Variants in GP2 observed in about 807,000 individuals in gnomAD.
GP2 encodes pancreatic secretory granule membrane major glycoprotein GP2.
A neutral mutation model predicts 60.8 loss-of-function variants in GP2; 58 were observed. That is an observed-to-expected ratio of 0.95 (90% confidence interval 0.77 to 1.19). The LOEUF (loss-of-function observed/expected upper bound fraction) is 1.19. GP2 is among the 50% of genes most tolerant of loss of function. The pLI is 0.00. For missense variants in GP2, 647 were observed against 667.4 expected (o/e 0.97, Z 0.34); for synonymous variants, 280 against 253.4 (o/e 1.10, Z -1.00).
Position 20,323,974 on chromosome 16 carries a change from G to C in GP2, c.377C>G (p.Pro126Arg), listed in dbSNP as rs765734388. The part of the protein sequence containing the change: ...DAPMWLNGTH[P>R]ALGDGITNHT... Reference sequence around the variant, plus strand: ...GTTGGTGATGCCATCCCCAAGGGCAGGGTGGGTCCCATTCAGCCACATGGG... The same window carrying C: ...GTTGGTGATGCCATCCCCAAGGGCACGGTGGGTCCCATTCAGCCACATGGG... Residue 126 changes from proline (P) to arginine (R), a missense_variant, in exon 3 of 11, where the codon CCT becomes CGT. By Grantham distance (103) the Pro-to-Arg change is moderately radical. Coordinates refer to ENST00000302555, the MANE Select transcript of GP2 (RefSeq NM_001502.4). The C allele has an allele frequency of 6.2e-7, 1 of 1,614,210 alleles. No homozygotes were observed. The highest frequency in any genetic ancestry group is 8.5e-7 in the Non-Finnish European group (1 of 1,180,018).
In GP2 at chr16:20,317,209, T is replaced by C. The variant is rs1443711982; in HGVS notation, c.1416+4A>G. On this transcript the variant is annotated splice_donor_region_variant and intron_variant, in intron 8 of 10. Transcript: ENST00000302555. ...TGAAGAGTTCAGTTCAAAGAGACAC[T>C]CACAGGCTGGCACTGTTCATTAAGA... The C allele has an allele frequency of 2.0e-6, 3 of 1,525,268 alleles. No individual in the cohort carries two copies. The African/African-American group carries it at 4.2e-5, about 22-fold the overall frequency. 94.5% of individuals were successfully genotyped at this position (1,525,268 alleles called of 1,614,324 possible). A position where few individuals can be genotyped will look rare whatever the true frequency, so the allele number is the denominator to read the frequency against.
At chr16:20,318,532 G>T in intron 6 of GP2, 102 bp from the exon 7 acceptor site, 2 of 1,041,182 alleles carry the variant, frequency 1.9e-6, no homozygotes, top group Non-Finnish European at 2.9e-6. Context: ...ACACATCTTG[G>T]ATCCTTAAGT....
chr16:20,322,730 G>T (rs1019338246), intron 4 of GP2, 139 bp downstream of exon 4: 229 of 576,594 alleles, frequency 4.0e-4, no homozygotes, highest in East Asian at 9.5e-4. Context: ...TACAGCAAAT[G>T]GATTGGAGAG....
chr16:20,319,657 T>C lies in GP2; in HGVS notation c.970A>G (p.Lys324Glu), dbSNP rs377671195. 6 of 1,612,040 alleles carry C rather than the reference T, an allele frequency of 3.7e-6. No homozygotes were observed. The highest frequency in any genetic ancestry group is 5.1e-6 in the Non-Finnish European group (6 of 1,178,066). ...TGCAAGGCAGCTTGGAGGCTGACTT[T>C]CATGTCCAGTGGGTAGGCACATTGG... ...NFQCAYPLDM[K>E]VSLQAALQPI... The change falls in exon 6 of 11, where the codon AAA becomes GAA. Residue 324 changes from lysine (K) to glutamate (E), a missense_variant. Transcript: ENST00000302555.
chr16:20,318,153 G>C (rs1457701676), intron 7 of GP2, 32 bp downstream of exon 7: 1 of 1,594,122 alleles, frequency 6.3e-7, no homozygotes, highest in Non-Finnish European at 8.6e-7. Flanking sequence ...ACGTTAGTAA[G>C]GCCAAATGAT....
At position 20,311,048 on chromosome 16, in the gene GP2, C is replaced by T. The variant is rs138616491; in HGVS notation, c.*175G>A. On this transcript the variant is annotated 3_prime_UTR_variant, in exon 11 of 11. Coordinates refer to ENST00000302555, the MANE Select transcript of GP2 (RefSeq NM_001502.4). ...CTGGGATTACAGGCATGAGCCACTG[C>T]GCCCAGCCGAGAGTTTTAAAGAAGG... The T allele has an allele frequency of 3.7e-5, 19 of 514,490 alleles. No individual in the cohort carries two copies. Among genetic ancestry groups the T allele is most frequent in the Non-Finnish European group, 6.5e-5 (18 of 278,140 alleles). The allele number at this position is 514,490 out of a possible 1,614,324, so 31.9% of individuals were successfully genotyped here.
chr16:20,320,255 C>G lies in GP2; in HGVS notation c.858+7G>C, dbSNP rs1465845730. ...CTTCTGGCAGCAGTGGTGTGAAAGCCACTTACCTCCAGAATGTTCCTGCAG... is the reference window on the plus strand; with the variant it reads ...CTTCTGGCAGCAGTGGTGTGAAAGCGACTTACCTCCAGAATGTTCCTGCAG... On this transcript the variant is annotated splice_region_variant and intron_variant, in intron 5 of 10. Transcript: ENST00000302555. 1 of 1,604,592 alleles carries G rather than the reference C, an allele frequency of 6.2e-7. No homozygotes were observed. The highest frequency in any genetic ancestry group is 8.5e-7 in the Non-Finnish European group (1 of 1,171,340).
At position 20,322,872 on chromosome 16, in the gene GP2, A is replaced by C; in HGVS notation, c.643T>G (p.Ser215Ala). Residue 215 changes from serine to alanine, a missense_variant, in exon 4 of 11, where the codon TCT becomes GCT. Transcript: ENST00000302555. ...ACTTGCCCAGTGAGCAGCTCACCAG[A>C]ACTATTGAGGTCCTGTCTGCAGAAA... ...GCFCRQDLNS[S>A]DVHSLQPQLD... is the part of the protein sequence containing the mutation. The C allele has an allele frequency of 6.4e-7, 1 of 1,559,984 alleles. No individual in the cohort carries two copies. The highest frequency in any genetic ancestry group is 8.8e-7 in the Non-Finnish European group (1 of 1,130,490).
intron 3 of GP2, 22 bp downstream of exon 3, chr16:20,323,794 C>T (rs779888623): frequency 7.1e-6 from 11 of 1,540,210 alleles, no homozygotes; most frequent in South Asian, 3.6e-5. Flanking sequence ...GTAGCTGCCT[C>T]CTCCAGGGCT....
chr16:20,314,706 G>A lies in GP2; in HGVS notation c.1502-5C>T. ...TGACACCGGGAGACTGTGCACCTGTGAACAAGAACAGAAGGGGTGGGTTTC... is the reference window on the plus strand; with the variant it reads ...TGACACCGGGAGACTGTGCACCTGTAAACAAGAACAGAAGGGGTGGGTTTC... On this transcript the variant is annotated splice_region_variant and splice_polypyrimidine_tract_variant and intron_variant, in intron 9 of 10. Transcript: ENST00000302555. 1 of 1,597,598 alleles carries A rather than the reference G, an allele frequency of 6.3e-7. No individual in the cohort carries two copies. The highest frequency in any genetic ancestry group is 1.1e-5 in the South Asian group (1 of 90,750).
intron 7 of GP2, 145 bp from the exon 8 acceptor site, chr16:20,317,520 G>A (rs1280001811): frequency 1.5e-6 from 1 of 646,924 alleles, no homozygotes; most frequent in Non-Finnish European, 2.7e-6. Context: ...AAGCGCACAT[G>A]GCTTAAATTA....
chr16:20,317,033 A>C (rs1596520913), intron 8 of GP2, among the ~76,000 whole-genome samples, 180 bp downstream of exon 8: 2 of 126,162 alleles, frequency 1.6e-5, no homozygotes, highest in East Asian at 2.3e-4. Context: ...CCTTCTGTCC[A>C]TCCTTCCCTT....
chr16:20,319,976 G>A (rs1285277964), intron 5 of GP2, among the ~76,000 whole-genome samples: 1 of 152,242 alleles, frequency 6.6e-6, no homozygotes, highest in African/African-American at 2.4e-5. Context: ...AAACTAGAAC[G>A]ATAAATTATT....
rs60257337 is a variant in GP2, at chr16:20,315,859, C to T, written c.1501+97G>A. 6.5e-5 allele frequency: 50 copies of T among 771,754 alleles called. 1 individual carries two copies. The Admixed American group carries it at 8.7e-4, about 13-fold the overall frequency. 47.8% of individuals were successfully genotyped at this position (771,754 alleles called of 1,614,324 possible). A position where few individuals can be genotyped will look rare whatever the true frequency, so the allele number is the denominator to read the frequency against. On this transcript the variant is annotated intron_variant, in intron 9 of 10. Coordinates refer to ENST00000302555, the MANE Select transcript of GP2 (RefSeq NM_001502.4). Reference sequence around the variant, plus strand: ...CAGTAAGGGTCAGACTGAGGTGGTACAAGAGCCCTGAGAAGTTGAGTTGGT... The same window carrying T: ...CAGTAAGGGTCAGACTGAGGTGGTATAAGAGCCCTGAGAAGTTGAGTTGGT...
chr16:20,318,008 C>T (rs1266109180), intron 7 of GP2, among the ~76,000 whole-genome samples, 177 bp downstream of exon 7: 1 of 152,194 alleles, frequency 6.6e-6, no homozygotes, highest in Non-Finnish European at 1.5e-5. Context: ...TTTATTTACC[C>T]TGCCCACCTG....
intron 3 of GP2, 193 bp downstream of exon 3, chr16:20,323,623 C>T (rs1002787060): frequency 3.3e-6 from 2 of 604,326 alleles, no homozygotes; most frequent in Non-Finnish European, 6.0e-6. Flanking sequence ...AAATTTCACC[C>T]TTGAATGGGA....
At chr16:20,327,257 G>A in intron 1 of GP2, 1 of 337,228 alleles carries the variant, frequency 3.0e-6, no homozygotes, top group Non-Finnish European at 5.8e-6. Context: ...AAGGAAGAGG[G>A]TGGCGTCCGT....
chr16:20,321,907 C>T (rs1350149943), intron 4 of GP2, among the ~76,000 whole-genome samples: 1 of 152,188 alleles, frequency 6.6e-6, no homozygotes, highest in Non-Finnish European at 1.5e-5. Flanking sequence ...CATCCAGGTA[C>T]AGGGAGGGCC....
Position 20,316,129 on chromosome 16 carries a change from G to A in GP2, c.1417-89C>T, listed in dbSNP as rs1596519986. On this transcript the variant is annotated intron_variant, in intron 8 of 10. Transcript: ENST00000302555. ...CCTACAATGGGCAGCTCTGGACCAA[G>A]AACTGTGTCCAGAACTGGTTCACGC... 4 of 811,632 alleles carry A rather than the reference G, an allele frequency of 4.9e-6. No homozygotes were observed. In the Admixed American group the frequency reaches 7.5e-5, roughly 15 times the overall value. 50.3% of individuals were successfully genotyped at this position (811,632 alleles called of 1,614,324 possible). A position where few individuals can be genotyped will look rare whatever the true frequency, so the allele number is the denominator to read the frequency against.
Sources: allele counts gnomAD v4.1 joint callset (sites outside exome capture counted in the v4.1 genomes callset), GRCh38; gene constraint gnomAD v4.1.1; transcripts MANE v1.5; gene names NCBI Gene and HGNC (gene_info 2026-07-23, HGNC 2026-07-21).